Variants in SCARF1 observed in about 807,000 individuals in gnomAD.
SCARF1 encodes the protein scavenger receptor class F member 1.
SCARF1 carries 49 observed loss-of-function variants against 76.3 expected under a neutral mutation model. The observed-to-expected ratio is 0.64, with a 90% CI of 0.51 to 0.81. The LOEUF is 0.81. Ranked by LOEUF, SCARF1 falls within the 40% of genes least tolerant of loss-of-function variation. The pLI is 0.00. For missense variants in SCARF1, 1,098 were observed against 1,143.9 expected, an observed-to-expected ratio of 0.96 and a Z score of 0.58; for synonymous variants, 495 against 474.6, an observed-to-expected ratio of 1.04 and a Z score of -0.56.
rs767636691 is a variant in SCARF1, at chr17:1,635,643, G to C, written c.1634-26C>G. 8 of 1,587,692 alleles carry C rather than the reference G, an allele frequency of 5.0e-6. No homozygotes were observed. The East Asian group carries it at 6.7e-5, about 13-fold the overall frequency. Reference sequence around the variant, plus strand: ...CTGGCAGAGGAGACAGAAGAGCTTGGCTGGAGCTGAACTGGCCACCCCAAT... The same window carrying C: ...CTGGCAGAGGAGACAGAAGAGCTTGCCTGGAGCTGAACTGGCCACCCCAAT... On this transcript the variant is annotated intron_variant, in intron 10 of 10. Coordinates refer to ENST00000263071, the MANE Select transcript of SCARF1 (RefSeq NM_003693.4).
Position 1,645,589 on chromosome 17 carries a change from A to G in SCARF1, c.101+8T>C, listed in dbSNP as rs773456925. The G allele has an allele frequency of 6.2e-7, 1 of 1,602,538 alleles. No homozygotes were observed. The highest frequency in any genetic ancestry group is 8.5e-7 in the Non-Finnish European group (1 of 1,177,716). On this transcript the variant is annotated splice_region_variant and intron_variant, in intron 1 of 10. Coordinates refer to ENST00000263071, the MANE Select transcript of SCARF1 (RefSeq NM_003693.4). This position sits in a 1 kb window ranked among gnomAD's most constrained non-coding sequence, Gnocchi z 6.3. Reference sequence around the variant, plus strand: ...TGGCCACACGCATCAGACTCCCACGAGACCCACCTGCTGGCCACACAGACG... The same window carrying G: ...TGGCCACACGCATCAGACTCCCACGGGACCCACCTGCTGGCCACACAGACG...
chr17:1,635,679 C>T (rs1909498972), intron 10 of SCARF1, 62 bp from the exon 11 acceptor site: 1 of 1,520,844 alleles, frequency 6.6e-7, no homozygotes, highest in Admixed American at 2.0e-5. Context: ...GCATCCTACC[C>T]ACAGCTCAGC....
intron 8 of SCARF1, 137 bp from the exon 9 acceptor site, chr17:1,637,199 A>G (rs1282450217): frequency 1.1e-6 from 1 of 934,382 alleles, no homozygotes; most frequent in Admixed American, 2.7e-5. Flanking sequence ...AATAAAATCC[A>G]AATGATTGAG....
In SCARF1 at chr17:1,640,119, A is replaced by C; in HGVS notation, c.1011-79T>G. ...CTGTGGGGCCCCACCCCTCCGCCCC[A>C]CGCTCCTGGACTCAAGGACCCAACT... On this transcript the variant is annotated intron_variant, in intron 5 of 10. Transcript: ENST00000263071. This position sits in a 1 kb window ranked among gnomAD's most constrained non-coding sequence, Gnocchi z 4.7. 1 of 1,521,476 alleles carries C rather than the reference A, an allele frequency of 6.6e-7. No homozygotes were observed. Among genetic ancestry groups the C allele is most frequent in the Non-Finnish European group, 8.9e-7 (1 of 1,125,868 alleles). 94.2% of individuals were successfully genotyped at this position (1,521,476 alleles called of 1,614,324 possible).
chr17:1,640,892 G>C lies in SCARF1; in HGVS notation c.792-226C>G, dbSNP rs190052559. On this transcript the variant is annotated intron_variant, in intron 4 of 10. Coordinates refer to ENST00000263071, the MANE Select transcript of SCARF1 (RefSeq NM_003693.4). The surrounding 1 kb of genome is among the most constrained non-coding windows in gnomAD (Gnocchi z 4.7). ...CCTTCCAGGCATCTGCTCTGTGACC[G>C]TCTTTCCCTGGGTCCCAGGACCATC... Among the ~76,000 whole-genome samples the C allele has an allele frequency of 6.6e-6, 1 of 152,104 alleles. No homozygotes were observed. Among genetic ancestry groups the C allele is most frequent in the African/African-American group, 2.4e-5 (1 of 41,402 alleles).
At chr17:1,636,052 C>T (rs1267406037) in intron 10 of SCARF1, among the ~76,000 whole-genome samples, 1 of 152,176 alleles carries the variant, frequency 6.6e-6, no homozygotes, top group East Asian at 1.9e-4. Flanking sequence ...GTTCCATCTT[C>T]CTGAAACACC....
chr17:1,635,735 TGAG>T (rs2151093154), intron 10 of SCARF1, 118 bp from the exon 11 acceptor site: 1 of 1,269,840 alleles, frequency 7.9e-7, no homozygotes, highest in East Asian at 2.5e-5. Context: ...AGGGCAAGGA[TGAG>T]GAGAGTGGCA....
rs1909358536 is a variant in SCARF1, at chr17:1,634,615, C to T, written c.*143G>A. On this transcript the variant is annotated 3_prime_UTR_variant, in exon 11 of 11. Coordinates refer to ENST00000263071, the MANE Select transcript of SCARF1 (RefSeq NM_003693.4). ...CCCCTCCGGGAGCACTGCCAGGGGC[C>T]TGGGCCAACTGGCCTGGAAGCCTTG... The T allele has an allele frequency of 5.7e-6, 7 of 1,218,654 alleles. No homozygotes were observed. The highest frequency in any genetic ancestry group is 7.9e-6 in the Non-Finnish European group (7 of 889,920). 75.5% of individuals were successfully genotyped at this position (1,218,654 alleles called of 1,614,324 possible). A position where few individuals can be genotyped will look rare whatever the true frequency, so the allele number is the denominator to read the frequency against.
Position 1,645,195 on chromosome 17 carries a change from T to G in SCARF1, c.146A>C (p.Asp49Ala), listed in dbSNP as rs1264900799. 6.2e-7 allele frequency: 1 copy of G among 1,613,726 alleles called. No homozygotes were observed. Among genetic ancestry groups the G allele is most frequent in the Non-Finnish European group, 8.5e-7 (1 of 1,179,960 alleles). ...LQCCAGWRQK[D>A]QECTIPICEG... ...CTACTCACGGATGGTGCATTCTTGATCCTTCTGCCTCCAGCCTGCGCAGCA... is the reference window on the plus strand; with the variant it reads ...CTACTCACGGATGGTGCATTCTTGAGCCTTCTGCCTCCAGCCTGCGCAGCA... The change falls in exon 2 of 11, where the codon GAT becomes GCT. Residue 49 changes from aspartate to alanine, a missense_variant. Asp to Ala is a moderately radical substitution (Grantham distance 126). Transcript: ENST00000263071. The surrounding 1 kb of genome is among the most constrained non-coding windows in gnomAD (Gnocchi z 6.3).
Position 1,645,068 on chromosome 17 carries a change from C to T in SCARF1, c.163+110G>A. Reference sequence around the variant, plus strand: ...GCCTGGGGGTGCGTCACAGGAGAAACCCTGACTCCTGGTATCAGGAGGGGC... The same window carrying T: ...GCCTGGGGGTGCGTCACAGGAGAAATCCTGACTCCTGGTATCAGGAGGGGC... On this transcript the variant is annotated intron_variant, in intron 2 of 10. Coordinates refer to ENST00000263071, the MANE Select transcript of SCARF1 (RefSeq NM_003693.4). The surrounding 1 kb of genome is among the most constrained non-coding windows in gnomAD (Gnocchi z 6.3). The T allele has an allele frequency of 6.5e-7, 1 of 1,541,276 alleles. No homozygotes were observed. The highest frequency in any genetic ancestry group is 1.4e-5 in the African/African-American group (1 of 73,594).
At chr17:1,639,530 A>G in intron 7 of SCARF1, 109 bp downstream of exon 7, 3 of 695,152 alleles carry the variant, frequency 4.3e-6, no homozygotes, top group South Asian at 1.8e-5. Context: ...AAAAAAAAGA[A>G]TATCTCTGAA....
At position 1,644,562 on chromosome 17, in the gene SCARF1, A is replaced by G. The variant is rs537979690; in HGVS notation, c.265+272T>C. On this transcript the variant is annotated intron_variant, in intron 3 of 10. Transcript: ENST00000263071. The surrounding 1 kb of genome is among the most constrained non-coding windows in gnomAD (Gnocchi z 4.8). ...AGGCAAGTAATACACTCATTTTACAATGAAGGGGAATCACAGGTTTTCTGA... is the reference window on the plus strand; with the variant it reads ...AGGCAAGTAATACACTCATTTTACAGTGAAGGGGAATCACAGGTTTTCTGA... The G allele has an allele frequency of 8.9e-4, 521 of 583,984 alleles. 12 individuals carry two copies. The South Asian group carries it at 0.01, about 12-fold the overall frequency. The allele number at this position is 583,984 out of a possible 1,614,324, so 36.2% of individuals were successfully genotyped here.
At position 1,645,026 on chromosome 17, in the gene SCARF1, A is replaced by C; in HGVS notation, c.164-91T>G. On this transcript the variant is annotated intron_variant, in intron 2 of 10. Transcript: ENST00000263071. This position sits in a 1 kb window ranked among gnomAD's most constrained non-coding sequence, Gnocchi z 6.3. The stretch of plus-strand genomic sequence containing the variant: ...CTGGCTCCAGGGGCCATGCCTCCTC[A>C]AGAGGTGCCCCTTCAGGCCTGGGGG... 1 of 1,533,306 alleles carries C rather than the reference A, an allele frequency of 6.5e-7. No homozygotes were observed. The highest frequency in any genetic ancestry group is 1.2e-5 in the South Asian group (1 of 86,760). 95.0% of individuals were successfully genotyped at this position (1,533,306 alleles called of 1,614,324 possible).
At position 1,639,902 on chromosome 17, in the gene SCARF1, C is replaced by G. The variant is rs902697916; in HGVS notation, c.1139+10G>C. 8.7e-6 allele frequency: 14 copies of G among 1,612,900 alleles called. No individual in the cohort carries two copies. The highest frequency in any genetic ancestry group is 1.2e-5 in the Non-Finnish European group (14 of 1,179,374). On this transcript the variant is annotated intron_variant, in intron 6 of 10. Coordinates refer to ENST00000263071, the MANE Select transcript of SCARF1 (RefSeq NM_003693.4). Reference sequence around the variant, plus strand: ...TGGCACTCTCCCGCCCCCGGGATCCCCATCCTTACCTGGGCCCCCAGTAGC... The same window carrying G: ...TGGCACTCTCCCGCCCCCGGGATCCGCATCCTTACCTGGGCCCCCAGTAGC...
Position 1,643,528 on chromosome 17 carries a change from G to C in SCARF1, c.705C>G (p.Gly235=). The C allele has an allele frequency of 7.1e-7, 1 of 1,401,370 alleles. No individual in the cohort carries two copies. Among genetic ancestry groups the C allele is most frequent in the East Asian group, 3.1e-5 (1 of 32,190 alleles). The allele number at this position is 1,401,370 out of a possible 1,614,324, so 86.8% of individuals were successfully genotyped here. A position where few individuals can be genotyped will look rare whatever the true frequency, so the allele number is the denominator to read the frequency against. ...GGAAGCCGGGCGGGCAGGTGCACTC[G>C]CCGGAGGCGGCGCTGCAGCGGCCCC... ...CVRGRCSAAS[G]ECTCPPGFRG... The change falls in exon 4 of 11, where the codon GGC becomes GGG. Residue 235 remains glycine (G), a synonymous_variant. Transcript: ENST00000263071.
chr17:1,639,185 G>C (rs1265314685), intron 7 of SCARF1, among the ~76,000 whole-genome samples: 2 of 152,192 alleles, frequency 1.3e-5, no homozygotes, highest in Non-Finnish European at 2.9e-5. Flanking sequence ...GGGGGCCCCA[G>C]AGCATCCACA....
Position 1,634,512 on chromosome 17 carries a change from A to G in SCARF1, c.*246T>C, listed in dbSNP as rs1909350494. On this transcript the variant is annotated 3_prime_UTR_variant, in exon 11 of 11. Coordinates refer to ENST00000263071, the MANE Select transcript of SCARF1 (RefSeq NM_003693.4). Reference sequence around the variant, plus strand: ...AGCCCTTATGAGGCACACAGGGTCCAGGACAGCAGAGCAAAAGTCCCTGCA... The same window carrying G: ...AGCCCTTATGAGGCACACAGGGTCCGGGACAGCAGAGCAAAAGTCCCTGCA... 1 of 438,812 alleles carries G rather than the reference A, an allele frequency of 2.3e-6. No individual in the cohort carries two copies. Among genetic ancestry groups the G allele is most frequent in the Admixed American group, 4.0e-5 (1 of 24,888 alleles). The allele number at this position is 438,812 out of a possible 1,614,324, so 27.2% of individuals were successfully genotyped here. A position where few individuals can be genotyped will look rare whatever the true frequency, so the allele number is the denominator to read the frequency against.
At position 1,633,913 on chromosome 17, in the gene SCARF1, A is replaced by C. The variant is rs1339040477; in HGVS notation, c.*845T>G. The stretch of plus-strand genomic sequence containing the variant: ...TTTTTAACAAAGATCATTGCTTTTT[A>C]TTATACTTTATCAAATTCAATCTAG... On this transcript the variant is annotated 3_prime_UTR_variant, in exon 11 of 11. Coordinates refer to ENST00000263071, the MANE Select transcript of SCARF1 (RefSeq NM_003693.4). The C allele has an allele frequency of 6.6e-6, 1 of 152,158 alleles. No individual in the cohort carries two copies. The highest frequency in any genetic ancestry group is 1.5e-5 in the Non-Finnish European group (1 of 68,030). The allele number at this position is 152,158 out of a possible 1,614,324, so 9.4% of individuals were successfully genotyped here. A position where few individuals can be genotyped will look rare whatever the true frequency, so the allele number is the denominator to read the frequency against.
At position 1,644,133 on chromosome 17, in the gene SCARF1, C is replaced by T. The variant is rs1387215506; in HGVS notation, c.266-166G>A. 3.5e-5 allele frequency: 17 copies of T among 479,232 alleles called. No individual in the cohort carries two copies. Among genetic ancestry groups the T allele is most frequent in the Non-Finnish European group, 5.4e-5 (16 of 298,796 alleles). 29.7% of individuals were successfully genotyped at this position (479,232 alleles called of 1,614,324 possible). On this transcript the variant is annotated intron_variant, in intron 3 of 10. Coordinates refer to ENST00000263071, the MANE Select transcript of SCARF1 (RefSeq NM_003693.4). This position sits in a 1 kb window ranked among gnomAD's most constrained non-coding sequence, Gnocchi z 4.8. The stretch of plus-strand genomic sequence containing the variant: ...TGTCCTGGGCAACACTCACTTCCTG[C>T]TCCGCTCTGACCTACAGAAAACCCT...
Sources: gnomAD v4.1 joint callset for allele counts (sites outside exome capture counted in the v4.1 genomes callset) on GRCh38, gnomAD v4.1.1 for gene constraint, Gnocchi (gnomAD v3.1) non-coding constraint, MANE v1.5 for transcripts, NCBI Gene and HGNC (gene_info 2026-07-23, HGNC 2026-07-21) for gene names.